Variants in MAPK12 observed in about 807,000 individuals in gnomAD.
MAPK12 encodes the protein mitogen-activated protein kinase 12.
Under a neutral mutation model 49.1 loss-of-function variants are expected in MAPK12, and 49 were observed. That is an observed-to-expected ratio of 1.00 (90% CI 0.79 to 1.27). The LOEUF is 1.27. Among genes scored for constraint, MAPK12 ranks in the 50% most tolerant of loss-of-function variants. The pLI is 0.00. For synonymous variants in MAPK12, 251 were observed against 209.7 expected (o/e 1.20, Z -1.70); for missense variants, 554 against 502.4 (o/e 1.10, Z -0.98).
intron 2 of MAPK12, among the ~76,000 whole-genome samples, chr22:50,259,712 A>G (rs576741660): frequency 1.3e-5 from 2 of 152,008 alleles, no homozygotes; most frequent in East Asian, 3.9e-4. Context: ...GTGAAACCTC[A>G]TCTCAACTAA....
chr22:50,257,294 G>A (rs1446094134), intron 3 of MAPK12, 101 bp from the exon 4 acceptor site: 1 of 856,380 alleles, frequency 1.2e-6, no homozygotes, highest in Non-Finnish European at 1.9e-6. Flanking sequence ...GGATCCAACA[G>A]GCACCCCCAG....
intron 1 of MAPK12, 22 bp from the exon 2 acceptor site, chr22:50,261,318 G>A (rs1489476983): frequency 3.7e-6 from 5 of 1,346,198 alleles, no homozygotes; most frequent in East Asian, 6.8e-5. Flanking sequence ...ACCGCTTAGC[G>A]GGAAGGCCGG....
At chr22:50,256,881 CG>C (rs1555913555) in intron 5 of MAPK12, 53 bp downstream of exon 5, 4 of 1,586,866 alleles carry the variant, frequency 2.5e-6, no homozygotes, top group Non-Finnish European at 2.6e-6. Context: ...GACGTGGAGG[CG>C]GGGGGATTGC....
Position 50,261,440 on chromosome 22 carries a change from G to T in MAPK12, c.70C>A (p.Arg24Ser). The T allele has an allele frequency of 3.9e-6, 5 of 1,275,804 alleles. No homozygotes were observed. Among genetic ancestry groups the T allele is most frequent in the Non-Finnish European group, 4.0e-6 (4 of 988,050 alleles). The allele number at this position is 1,275,804 out of a possible 1,614,324, so 79.0% of individuals were successfully genotyped here. A position where few individuals can be genotyped will look rare whatever the true frequency, so the allele number is the denominator to read the frequency against. Reference protein sequence around the residue: ...QEVTKTAWEVRAVYRDLQPVG... With the variant: ...QEVTKTAWEVSAVYRDLQPVG... ...GGCTGCAGGTCCCGGTACACGGCGCGCACCTCCCAGGCCGTCTTGGTCACC... is the reference window on the plus strand; with the variant it reads ...GGCTGCAGGTCCCGGTACACGGCGCTCACCTCCCAGGCCGTCTTGGTCACC... The change falls in exon 1 of 12, where the codon CGC becomes AGC. Residue 24 changes from arginine to serine, a missense_variant. Coordinates refer to ENST00000215659, the MANE Select transcript of MAPK12 (RefSeq NM_002969.6).
chr22:50,257,942 C>A, intron 3 of MAPK12: 1 of 772,530 alleles, frequency 1.3e-6, no homozygotes, highest in Non-Finnish European at 2.4e-6. Context: ...AGCACGGGAC[C>A]TTCCTGTTAA....
chr22:50,256,456 G>A (rs899571387), intron 6 of MAPK12, 143 bp downstream of exon 6: 15 of 1,106,932 alleles, frequency 1.4e-5, no homozygotes, highest in Middle Eastern at 2.1e-4. Flanking sequence ...ACTGCCTCTT[G>A]GGCTCACCCA....
Position 50,258,249 on chromosome 22 carries a change from G to T in MAPK12, c.308C>A (p.Thr103Lys), listed in dbSNP as rs34422484. Residue 103 changes from threonine (T) to lysine (K), a missense_variant, in exon 3 of 12, where the codon ACG (threonine) becomes AAG (lysine). Transcript: ENST00000215659. ...FTPDETLDDF[T>K]DFYLVMPFMG... ...AGCCCAGGTCGGCACTCACAAGTCCGTGAAGTCATCCAGGGTCTCATCAGG... is the reference window on the plus strand; with the variant it reads ...AGCCCAGGTCGGCACTCACAAGTCCTTGAAGTCATCCAGGGTCTCATCAGG... The T allele has an allele frequency of 6.2e-7, 1 of 1,613,088 alleles. No individual in the cohort carries two copies. The highest frequency in any genetic ancestry group is 1.1e-5 in the South Asian group (1 of 91,088).
chr22:50,253,336 C>T lies in MAPK12; in HGVS notation c.*65G>A, dbSNP rs888456324. 2.7e-4 allele frequency: 332 copies of T among 1,227,454 alleles called. No homozygotes were observed. The highest frequency in any genetic ancestry group is 1.4e-3 in the Admixed American group (73 of 50,532). 76.0% of individuals were successfully genotyped at this position (1,227,454 alleles called of 1,614,324 possible). A position where few individuals can be genotyped will look rare whatever the true frequency, so the allele number is the denominator to read the frequency against. ...GCCCCAGCCAAGGTCAAGGTGGCAA[C>T]GAGAGTCCCCTCTCAGGTGGAAGGT... On this transcript the variant is annotated 3_prime_UTR_variant, in exon 12 of 12. Transcript: ENST00000215659.
intron 6 of MAPK12, 128 bp downstream of exon 6, chr22:50,256,471 C>T (rs1301181106): frequency 4.0e-6 from 5 of 1,262,130 alleles, no homozygotes; most frequent in South Asian, 1.5e-5. Flanking sequence ...CACCCACCCA[C>T]CAGCTCCTCA....
chr22:50,261,346 CG>C, intron 1 of MAPK12, 38 bp downstream of exon 1: 1 of 1,133,160 alleles, frequency 8.8e-7, no homozygotes, highest in Non-Finnish European at 1.1e-6. Context: ...GCGCAGGCCC[CG>C]CCCGCCCCGC....
chr22:50,258,189 C>T, intron 3 of MAPK12, 54 bp downstream of exon 3: 1 of 1,566,042 alleles, frequency 6.4e-7, no homozygotes, highest in African/African-American at 1.3e-5. Context: ...AAGCCAGTGC[C>T]CAGAGCTGCC....
rs754331689 is a variant in MAPK12, at chr22:50,255,300, G to C, written c.921C>G (p.Ala307=). The part of the protein sequence containing the change: ...EQRVTAGEAL[A]HPYFESLHDT... ...CGTGCAGGGACTCGAAGTAGGGATG[G>C]GCCAGCGCCTCGCCTGCCGTCACCC... is the stretch of plus-strand genomic sequence containing the variant. Residue 307 remains alanine (A), a synonymous_variant, in exon 11 of 12, where the codon GCC becomes GCG. Transcript: ENST00000215659. 6.2e-7 allele frequency: 1 copy of C among 1,613,530 alleles called. No homozygotes were observed. Among genetic ancestry groups the C allele is most frequent in the South Asian group, 1.1e-5 (1 of 91,086 alleles).
chr22:50,261,513 A>C lies in MAPK12; in HGVS notation c.-4T>G. 1 of 1,179,388 alleles carries C rather than the reference A, an allele frequency of 8.5e-7. No individual in the cohort carries two copies. Among genetic ancestry groups the C allele is most frequent in the Non-Finnish European group, 1.1e-6 (1 of 935,322 alleles). The allele number at this position is 1,179,388 out of a possible 1,614,324, so 73.1% of individuals were successfully genotyped here. A position where few individuals can be genotyped will look rare whatever the true frequency, so the allele number is the denominator to read the frequency against. ...GGGCGGGCGGCGGAGAGCTCATGGC[A>C]GGCCCGGGAGCTGCCCACCCCGCAG... On this transcript the variant is annotated 5_prime_UTR_variant, in exon 1 of 12. Transcript: ENST00000215659.
chr22:50,259,609 G>A (rs570152849), intron 2 of MAPK12, among the ~76,000 whole-genome samples: 70 of 152,260 alleles, frequency 4.6e-4, no homozygotes, highest in African/African-American at 1.5e-3. Flanking sequence ...GGAGCCCGGC[G>A]CGGTGGCTCA....
intron 2 of MAPK12, 45 bp downstream of exon 2, chr22:50,261,122 A>C: frequency 6.6e-7 from 1 of 1,516,832 alleles, no homozygotes; most frequent in African/African-American, 1.4e-5. Context: ...AGCTGAACCA[A>C]GCCGAGGCCG....
At chr22:50,260,983 G>T in intron 2 of MAPK12, 184 bp downstream of exon 2, 1 of 631,810 alleles carries the variant, frequency 1.6e-6, no homozygotes, top group Non-Finnish European at 2.4e-6. Flanking sequence ...AACGGCCCTT[G>T]GGGGAGTCGT....
chr22:50,258,106 G>A (rs1054093702), intron 3 of MAPK12, 137 bp downstream of exon 3: 2 of 811,308 alleles, frequency 2.5e-6, no homozygotes, highest in Admixed American at 1.8e-5. Context: ...ACAGTGGTAT[G>A]GGGAGGGGGT....
rs1257800780 is a variant in MAPK12 at position 50,255,937 on chromosome 22, G to A, written c.620-56C>T. 3.8e-6 allele frequency: 6 copies of A among 1,566,038 alleles called. No homozygotes were observed. In the African/African-American group the frequency reaches 5.4e-5, roughly 14 times the overall value. On this transcript the variant is annotated intron_variant, in intron 7 of 11. Transcript: ENST00000215659. The stretch of plus-strand genomic sequence containing the variant: ...GCAGGGGGACAGGATGAGACGGGGA[G>A]GGAGGAGACACCAACACAGCCCACC...
At chr22:50,255,562 A>G (rs1296320124) in intron 9 of MAPK12, 31 bp from the exon 10 acceptor site, 1 of 1,612,912 alleles carries the variant, frequency 6.2e-7, no homozygotes, top group Admixed American at 1.7e-5. Context: ...AGGGGCCAAC[A>G]CCAAGGCCCA....
Sources: allele counts gnomAD v4.1 joint callset (sites outside exome capture counted in the v4.1 genomes callset), GRCh38; gene constraint gnomAD v4.1.1; transcripts MANE v1.5; gene names NCBI Gene and HGNC (gene_info 2026-07-23, HGNC 2026-07-21).